Variants in STAT5A observed in about 807,000 individuals in gnomAD.
The protein encoded by STAT5A is epididymis secretory sperm binding protein.
STAT5A carries 26 observed loss-of-function variants against 100.2 expected under a neutral mutation model. That is an observed-to-expected ratio of 0.26 (90% confidence interval 0.19 to 0.36). The LOEUF (loss-of-function observed/expected upper bound fraction) is 0.36, where lower values mean the gene tolerates loss of function less well. STAT5A is among the 10% of genes least tolerant of loss of function. The probability of loss-of-function intolerance (pLI) is 1.00; values close to 1 mark genes in which losing one functional copy is unlikely to be tolerated. For missense variants in STAT5A, 634 were observed against 1,027.5 expected, an observed-to-expected ratio of 0.62 and a Z score of 5.24; for synonymous variants, 330 against 424.3, an observed-to-expected ratio of 0.78 and a Z score of 2.73.
rs1261073234 is a variant in STAT5A at position 42,300,843 on chromosome 17, C to T, written c.962C>T (p.Thr321Met). ...EMLAEVNATI[T>M]DIISALVTST... is the part of the protein sequence containing the mutation. ...CTGGCCGAGGTCAACGCCACCATCA[C>T]GGACATTATCTCAGCCCTGGTGACC... Residue 321 changes from threonine to methionine, a missense_variant, in exon 8 of 19, where the codon ACG (threonine) becomes ATG (methionine). Physicochemically the swap from Thr to Met is moderately conservative, Grantham distance 81 (BLOSUM62 -1). Transcript: ENST00000590949. The T allele has an allele frequency of 1.9e-6, 3 of 1,612,328 alleles. No individual in the cohort carries two copies. The highest frequency in any genetic ancestry group is 3.3e-5 in the Admixed American group (2 of 59,858).
intron 4 of STAT5A, among the ~76,000 whole-genome samples, chr17:42,293,344 A>G (rs1442126756): frequency 1.3e-5 from 2 of 152,076 alleles, no homozygotes; most frequent in African/African-American, 4.8e-5. Flanking sequence ...AGCTAGGATT[A>G]CAGGGGCCCA....
chr17:42,289,391 G>A lies in STAT5A; in HGVS notation c.-10-11G>A. 1 of 1,598,210 alleles carries A rather than the reference G, an allele frequency of 6.3e-7. No homozygotes were observed. Among genetic ancestry groups the A allele is most frequent in the Non-Finnish European group, 8.5e-7 (1 of 1,172,900 alleles). ...GCAGAGGAGAGCGCTTCAGCGCTCG[G>A]CTCGCCCTAGGTGAACGGCCATGGC... On this transcript the variant is annotated splice_polypyrimidine_tract_variant and intron_variant, in intron 1 of 18. Coordinates refer to ENST00000590949, the MANE Select transcript of STAT5A (RefSeq NM_001288718.2).
intron 5 of STAT5A, among the ~76,000 whole-genome samples, chr17:42,296,971 C>G (rs899496287): frequency 6.6e-6 from 1 of 152,194 alleles, no homozygotes; most frequent in Admixed American, 6.5e-5. Flanking sequence ...TTTATTATTG[C>G]CCAGGCTGGA....
In STAT5A at chr17:42,304,742, G is replaced by A. The variant is rs886761794; in HGVS notation, c.1380+90G>A. ...CAGGACTCCTGGCAGCAATGCCATC[G>A]GACAGCCTGCTTTGACTCTGTGGGT... On this transcript the variant is annotated intron_variant, in intron 11 of 18. Transcript: ENST00000590949. The surrounding 1 kb of genome is among the most constrained non-coding windows in gnomAD (Gnocchi z 4.8). The A allele has an allele frequency of 5.7e-6, 9 of 1,569,392 alleles. No individual in the cohort carries two copies. In the East Asian group the frequency reaches 9.0e-5, roughly 16 times the overall value.
chr17:42,289,763 T>C lies in STAT5A; in HGVS notation c.129-103T>C, dbSNP rs2080852071. 2.1e-6 allele frequency: 3 copies of C among 1,422,784 alleles called. No individual in the cohort carries two copies. The African/African-American group carries it at 4.3e-5, about 21-fold the overall frequency. 88.1% of individuals were successfully genotyped at this position (1,422,784 alleles called of 1,614,324 possible). On this transcript the variant is annotated intron_variant, in intron 2 of 18. Transcript: ENST00000590949. Reference sequence around the variant, plus strand: ...GGAACAAGTCTTGTGGGCCCTGGAGTGCCCTCGGTCATGAGCCTGGGGTTT... The same window carrying C: ...GGAACAAGTCTTGTGGGCCCTGGAGCGCCCTCGGTCATGAGCCTGGGGTTT...
chr17:42,289,755 C>T lies in STAT5A; in HGVS notation c.129-111C>T, dbSNP rs548563255. ...AGCTGCTGGGAACAAGTCTTGTGGGCCCTGGAGTGCCCTCGGTCATGAGCC... is the reference window on the plus strand; with the variant it reads ...AGCTGCTGGGAACAAGTCTTGTGGGTCCTGGAGTGCCCTCGGTCATGAGCC... On this transcript the variant is annotated intron_variant, in intron 2 of 18. Transcript: ENST00000590949. 49 of 1,413,448 alleles carry T rather than the reference C, an allele frequency of 3.5e-5. No individual in the cohort carries two copies. In the African/African-American group the frequency reaches 7.0e-4, roughly 20 times the overall value. 87.6% of individuals were successfully genotyped at this position (1,413,448 alleles called of 1,614,324 possible). A position where few individuals can be genotyped will look rare whatever the true frequency, so the allele number is the denominator to read the frequency against.
chr17:42,306,309 A>T lies in STAT5A; in HGVS notation c.1542A>T (p.Lys514Asn). ...AGCTGTGTGAGGCGCTCAACATGAA[A>T]TTCAAGGCCGAAGTGCAGAGCAACC... ...WPQLCEALNM[K>N]FKAEVQSNRG... Residue 514 changes from lysine to asparagine, a missense_variant, in exon 13 of 19, where the codon AAA becomes AAT. Physicochemically the swap from Lys to Asn is moderately conservative, Grantham distance 94. Transcript: ENST00000590949. 1 of 1,614,044 alleles carries T rather than the reference A, an allele frequency of 6.2e-7. No individual in the cohort carries two copies. The highest frequency in any genetic ancestry group is 1.7e-4 in the Middle Eastern group (1 of 6,056).
In STAT5A at chr17:42,310,495, T is replaced by C. The variant is rs925517910; in HGVS notation, c.2223-12T>C. 7 of 1,613,836 alleles carry C rather than the reference T, an allele frequency of 4.3e-6. No individual in the cohort carries two copies. Among genetic ancestry groups the C allele is most frequent in the African/African-American group, 4.0e-5 (3 of 74,928 alleles). On this transcript the variant is annotated splice_polypyrimidine_tract_variant and intron_variant, in intron 18 of 18. Transcript: ENST00000590949. ...ATGCCAGCTCCCTCTGACATCCCCC[T>C]GTCTTTACCAGCCCTGACCATGTAC...
chr17:42,306,299 T>C lies in STAT5A; in HGVS notation c.1532T>C (p.Leu511Pro), dbSNP rs763931368. The C allele has an allele frequency of 6.2e-7, 1 of 1,613,870 alleles. No individual in the cohort carries two copies. Among genetic ancestry groups the C allele is most frequent in the African/African-American group, 1.3e-5 (1 of 74,868 alleles). The change falls in exon 13 of 19, where the codon CTC (leucine) becomes CCC (proline). Residue 511 changes from leucine (L) to proline (P), a missense_variant. Coordinates refer to ENST00000590949, the MANE Select transcript of STAT5A (RefSeq NM_001288718.2). Reference protein sequence around the residue: ...KVLWPQLCEALNMKFKAEVQS... With the variant: ...KVLWPQLCEAPNMKFKAEVQS... Reference sequence around the variant, plus strand: ...CTGTGGCCGCAGCTGTGTGAGGCGCTCAACATGAAATTCAAGGCCGAAGTG... The same window carrying C: ...CTGTGGCCGCAGCTGTGTGAGGCGCCCAACATGAAATTCAAGGCCGAAGTG...
intron 4 of STAT5A, among the ~76,000 whole-genome samples, chr17:42,294,450 T>C (rs956017214): frequency 6.6e-6 from 1 of 152,168 alleles, no homozygotes; most frequent in African/African-American, 2.4e-5. Context: ...GGGGATTCTG[T>C]AGTTCACAGG....
At chr17:42,291,312 G>A (rs888096747) in intron 3 of STAT5A, among the ~76,000 whole-genome samples, 2 of 152,196 alleles carry the variant, frequency 1.3e-5, no homozygotes, top group Non-Finnish European at 2.9e-5. Context: ...GCTCACCGCC[G>A]CTCACCTCCT....
chr17:42,289,639 G>A, intron 2 of STAT5A, 100 bp downstream of exon 2: 1 of 1,505,144 alleles, frequency 6.6e-7, no homozygotes, highest in Non-Finnish European at 8.9e-7. Flanking sequence ...CTCTGGTCCT[G>A]CCTGTCCTTC....
Position 42,309,412 on chromosome 17 carries a change from G to A in STAT5A, c.2150G>A (p.Ser717Asn), listed in dbSNP as rs1448164907. ...VNASADAGGS[S>N]ATYMDQAPSP... Reference sequence around the variant, plus strand: ...GCATCTGCAGATGCTGGGGGCAGCAGCGCCACGTACATGGACCAGGCCCCC... The same window carrying A: ...GCATCTGCAGATGCTGGGGGCAGCAACGCCACGTACATGGACCAGGCCCCC... The change falls in exon 18 of 19, where the codon AGC becomes AAC. Residue 717 changes from serine to asparagine, a missense_variant. Ser to Asn is a conservative substitution (Grantham distance 46, BLOSUM62 1). Around this residue, in one of 5 missense-constraint regions of STAT5A, gnomAD observed 210 missense variants for 428.4 expected, o/e 0.49. Transcript: ENST00000590949. 3 of 1,613,170 alleles carry A rather than the reference G, an allele frequency of 1.9e-6. No homozygotes were observed. The highest frequency in any genetic ancestry group is 2.7e-5 in the African/African-American group (2 of 74,906).
At chr17:42,310,423 G>A in intron 18 of STAT5A, 84 bp from the exon 19 acceptor site, 2 of 1,484,446 alleles carry the variant, frequency 1.3e-6, no homozygotes, top group Middle Eastern at 1.8e-4. Context: ...GGGTTTGAGT[G>A]GAGAGCAGGC....
intron 15 of STAT5A, 39 bp downstream of exon 15, chr17:42,307,762 C>T (rs774883767): frequency 4.3e-5 from 69 of 1,602,336 alleles, no homozygotes; most frequent in African/African-American, 1.5e-4. Flanking sequence ...CCCCAAGGCC[C>T]GGTCTCTTGT....
chr17:42,292,314 GT>G lies in STAT5A; in HGVS notation c.375+262del, dbSNP rs894897165. ...TTAATCTCTCTGAGCCTCTGTTCCT[GT>G]TTTTTTTTCTTTTTTCTTTTTTCTT... On this transcript the variant is annotated intron_variant, in intron 4 of 18. Transcript: ENST00000590949. Among the ~76,000 whole-genome samples, 3 of 150,750 alleles carry G rather than the reference GT, an allele frequency of 2.0e-5. No individual in the cohort carries two copies. In the East Asian group the frequency reaches 5.8e-4, roughly 29 times the overall value.
In STAT5A at chr17:42,306,221, C is replaced by T; in HGVS notation, c.1474-20C>T. ...CAACTCCCTCAATCTACCTTTTCCC[C>T]TCTCTTGTCTCCCTCTCAGGGCAGG... On this transcript the variant is annotated intron_variant, in intron 12 of 18. Coordinates refer to ENST00000590949, the MANE Select transcript of STAT5A (RefSeq NM_001288718.2). 6.2e-7 allele frequency: 1 copy of T among 1,614,016 alleles called. No individual in the cohort carries two copies. Among genetic ancestry groups the T allele is most frequent in the Non-Finnish European group, 8.5e-7 (1 of 1,179,910 alleles).
intron 12 of STAT5A, 68 bp downstream of exon 12, chr17:42,305,770 C>A: frequency 6.6e-7 from 1 of 1,507,464 alleles, no homozygotes; most frequent in Non-Finnish European, 9.1e-7. Context: ...TCAGCCCCAC[C>A]CCTTGGGCCC....
chr17:42,291,156 C>A (rs915201824), intron 3 of STAT5A, among the ~76,000 whole-genome samples: 1 of 152,226 alleles, frequency 6.6e-6, no homozygotes, highest in Non-Finnish European at 1.5e-5. Context: ...AGTGCATAAC[C>A]TAGATCCCTC....
Sources: gnomAD v4.1 joint callset for allele counts (sites outside exome capture counted in the v4.1 genomes callset) on GRCh38, gnomAD v4.1.1 for gene constraint, gnomAD v4.1.1 regional missense constraint, Gnocchi (gnomAD v3.1) non-coding constraint, MANE v1.5 for transcripts, NCBI Gene and HGNC (gene_info 2026-07-23, HGNC 2026-07-21) for gene names.